Variants in CTBP1 observed in about 807,000 individuals in gnomAD.
The protein encoded by CTBP1 is C-terminal binding protein 1, also known as C-terminal-binding protein 1.
Under a neutral mutation model 42.1 loss-of-function variants are expected in CTBP1, and 11 were observed. The observed-to-expected ratio is 0.26, with a 90% CI of 0.16 to 0.43. The LOEUF (loss-of-function observed/expected upper bound fraction) is 0.43, where lower values mean the gene tolerates loss of function less well. Among genes scored for constraint, CTBP1 ranks in the 20% least tolerant of loss-of-function variants. The pLI is 1.00. For synonymous variants in CTBP1, 324 were observed against 277.1 expected (o/e 1.17, Z -1.68); for missense variants, 399 against 624.3 (o/e 0.64, Z 3.85).
rs1315064850 is a variant in CTBP1, at chr4:1,245,318, CCT to C, written c.-189+3596_-189+3597del. 2.0e-5 allele frequency: 20 copies of C among 985,346 alleles called. No homozygotes were observed. The East Asian group carries it at 4.5e-4, about 22-fold the overall frequency. The allele number at this position is 985,346 out of a possible 1,614,324, so 61.0% of individuals were successfully genotyped here. A position where few individuals can be genotyped will look rare whatever the true frequency, so the allele number is the denominator to read the frequency against. On this transcript the variant is annotated intron_variant, in intron 1 of 9. Transcript: ENST00000382952. ...GGACATCCGTGGAGCCGCACGTTTC[CCT>C]GTTTGTTCAGCGAGCACATGCACAC...
intron 1 of CTBP1, chr4:1,245,571 G>A (rs550630787): frequency 8.2e-6 from 8 of 981,282 alleles, no homozygotes; most frequent in East Asian, 2.3e-4. Flanking sequence ...AGGAGGGCAC[G>A]GTGACACGGG....
intron 1 of CTBP1, chr4:1,248,682 A>T: frequency 3.1e-6 from 3 of 980,720 alleles, no homozygotes; most frequent in Non-Finnish European, 3.6e-6. Context: ...GCGGGCGGGG[A>T]GAGCAGACTG....
In CTBP1 at chr4:1,235,857, G is replaced by A. The variant is rs1427057502; in HGVS notation, c.162+2326C>T. ...CGGCTGACGCTGTCTTCCTCTAAAG[G>A]GGCCGTCTTACTTCTTTTGCCAGGC... is the stretch of plus-strand genomic sequence containing the variant. On this transcript the variant is annotated intron_variant, in intron 3 of 9. Transcript: ENST00000382952. This position sits in a 1 kb window ranked among gnomAD's most constrained non-coding sequence, Gnocchi z 4.2. 1 of 152,192 alleles carries A rather than the reference G, an allele frequency of 6.6e-6. No homozygotes were observed. Among genetic ancestry groups the A allele is most frequent in the Non-Finnish European group, 1.5e-5 (1 of 68,042 alleles). The allele number at this position is 152,192 out of a possible 1,614,324, so 9.4% of individuals were successfully genotyped here.
chr4:1,221,766 T>C (rs944088430), intron 5 of CTBP1: 2 of 418,074 alleles, frequency 4.8e-6, no homozygotes, highest in East Asian at 1.8e-4. Flanking sequence ...GAGCTGTCTG[T>C]GTGCAGGAGC....
chr4:1,249,705 G>T (rs1193235089), upstream of CTBP1: 2 of 405,946 alleles, frequency 4.9e-6, no homozygotes, highest in African/African-American at 2.2e-5. Context: ...CTGCCCCAGT[G>T]CGTCCCCAGG....
chr4:1,232,758 C>T (rs879933064), intron 3 of CTBP1: 2 of 152,218 alleles, frequency 1.3e-5, no homozygotes, highest in Non-Finnish European at 2.9e-5. Flanking sequence ...CCTCTAACTG[C>T]TCTTCATTCA....
chr4:1,239,408 G>A (rs1337964158), intron 2 of CTBP1, among the ~76,000 whole-genome samples: 1 of 152,182 alleles, frequency 6.6e-6, no homozygotes, highest in Non-Finnish European at 1.5e-5. Context: ...CGTTCGGCCA[G>A]CAGGAGGGGA....
At chr4:1,241,791 G>A in intron 1 of CTBP1, 1 of 1,183,426 alleles carries the variant, frequency 8.5e-7, no homozygotes, top group Non-Finnish European at 1.1e-6. Context: ...AGTCCCCCAG[G>A]GCTGCGGCCA....
Position 1,225,347 on chromosome 4 carries a change from G to T in CTBP1, c.514+13C>A, listed in dbSNP as rs1730215826. 6.5e-7 allele frequency: 1 copy of T among 1,539,988 alleles called. No individual in the cohort carries two copies. The highest frequency in any genetic ancestry group is 8.7e-7 in the Non-Finnish European group (1 of 1,147,592). On this transcript the variant is annotated intron_variant, in intron 5 of 9. Coordinates refer to ENST00000382952, the MANE Select transcript of CTBP1 (RefSeq NM_001012614.2). ...CAGGGAGGGACACAGGCGTGGAGCT[G>T]CGGCCGACGCACCAAGTCCGATGAT...
intron 1 of CTBP1, chr4:1,244,126 G>A: frequency 2.0e-6 from 2 of 985,322 alleles, no homozygotes; most frequent in Non-Finnish European, 2.4e-6. Context: ...GATGACCCCA[G>A]AGCCTCCTGG....
chr4:1,248,635 GAGGCCCAC>G (rs1733018703), intron 1 of CTBP1: 11 of 976,336 alleles, frequency 1.1e-5, no homozygotes, highest in African/African-American at 1.8e-5. Context: ...GGGCAGCCCA[GAGGCCCAC>G]AGGCCCTTTT....
rs972576408 is a variant in CTBP1 at position 1,211,562 on chromosome 4, A to T, written c.*678T>A. Reference sequence around the variant, plus strand: ...CACATCAGCAGGACGGCACTGGTGCAGGCGGGGACGCTGCCACCCTCCACG... The same window carrying T: ...CACATCAGCAGGACGGCACTGGTGCTGGCGGGGACGCTGCCACCCTCCACG... On this transcript the variant is annotated 3_prime_UTR_variant, in exon 10 of 10. Transcript: ENST00000382952. 6.6e-6 allele frequency: 1 copy of T among 152,492 alleles called. No individual in the cohort carries two copies. Among genetic ancestry groups the T allele is most frequent in the African/African-American group, 2.4e-5 (1 of 41,472 alleles). The allele number at this position is 152,492 out of a possible 1,614,324, so 9.4% of individuals were successfully genotyped here.
Position 1,239,546 on chromosome 4 carries a change from C to T in CTBP1, c.8-1209G>A, listed in dbSNP as rs903425720. ...CCGCCTGCAGGTGAGCAGAGGCCAC[C>T]GAGCTGCCAGTATCCAGGAAGCAGG... On this transcript the variant is annotated intron_variant, in intron 2 of 9. Transcript: ENST00000382952. 5.3e-5 allele frequency among the ~76,000 whole-genome samples: 8 copies of T among 152,228 alleles called. No homozygotes were observed. The East Asian group carries it at 5.8e-4, about 11-fold the overall frequency.
In CTBP1 at chr4:1,248,998, CT is replaced by C; in HGVS notation, c.-272del. 1 of 952,324 alleles carries C rather than the reference CT, an allele frequency of 1.1e-6. No homozygotes were observed. The highest frequency in any genetic ancestry group is 1.2e-6 in the Non-Finnish European group (1 of 802,824). The allele number at this position is 952,324 out of a possible 1,614,324, so 59.0% of individuals were successfully genotyped here. The stretch of plus-strand genomic sequence containing the variant: ...CGCGGGCCCCGACCACTCCGGCGCG[CT>C]GCGCCGCCGCGAGCCCGGCGCGTGG... On this transcript the variant is annotated 5_prime_UTR_variant, in exon 1 of 10. Transcript: ENST00000382952.
intron 1 of CTBP1, among the ~76,000 whole-genome samples, chr4:1,247,689 C>T (rs1219717875): frequency 1.3e-5 from 2 of 151,766 alleles, no homozygotes. Context: ...GGTGCGGGCC[C>T]AGCCGCCAGC....
At chr4:1,239,953 C>T (rs1183823348) in intron 2 of CTBP1, among the ~76,000 whole-genome samples, 1 of 152,282 alleles carries the variant, frequency 6.6e-6, no homozygotes, top group East Asian at 1.9e-4. Flanking sequence ...ACGTGGCCTC[C>T]CTCCCCGCTG....
At position 1,214,439 on chromosome 4, in the gene CTBP1, C is replaced by T. The variant is rs1315137495; in HGVS notation, c.764G>A (p.Arg255Gln). The change falls in exon 7 of 10, where the codon CGG (arginine) becomes CAG (glutamine). Residue 255 changes from arginine (R) to glutamine (Q), a missense_variant. Physicochemically the swap from Arg to Gln is conservative, Grantham distance 43 (BLOSUM62 1). Coordinates refer to ENST00000382952, the MANE Select transcript of CTBP1 (RefSeq NM_001012614.2). Reference protein sequence around the residue: ...RQGAFLVNTARGGLVDEKALA... With the variant: ...RQGAFLVNTAQGGLVDEKALA... ...CGCCTTCTCATCCACCAGGCCACCC[C>T]GGGCTGTGTTCACCAGGAAGGCCCC... is the stretch of plus-strand genomic sequence containing the variant. The T allele has an allele frequency of 3.8e-6, 6 of 1,588,612 alleles. No homozygotes were observed. Among genetic ancestry groups the T allele is most frequent in the East Asian group, 2.3e-5 (1 of 42,758 alleles).
rs955726735 is a variant in CTBP1 at position 1,211,998 on chromosome 4, T to C, written c.*242A>G. On this transcript the variant is annotated 3_prime_UTR_variant, in exon 10 of 10. Transcript: ENST00000382952. ...AACTGTACACAGACAAGAACGTTCATGGGAGAATAACTACTGACTTCTTCT... is the reference window on the plus strand; with the variant it reads ...AACTGTACACAGACAAGAACGTTCACGGGAGAATAACTACTGACTTCTTCT... 1.1e-5 allele frequency: 4 copies of C among 373,638 alleles called. No individual in the cohort carries two copies. The highest frequency in any genetic ancestry group is 2.1e-5 in the African/African-American group (1 of 47,996). The allele number at this position is 373,638 out of a possible 1,614,324, so 23.1% of individuals were successfully genotyped here.
At chr4:1,232,691 T>C (rs144150451) in intron 3 of CTBP1, among the ~76,000 whole-genome samples, 2,202 of 152,336 alleles carry the variant, frequency 0.014, 24 homozygotes, top group Non-Finnish European at 0.024. Context: ...ACAGAAAACA[T>C]TGTATGTTCT....
Sources: gnomAD v4.1 joint callset for allele counts (sites outside exome capture counted in the v4.1 genomes callset) on GRCh38, gnomAD v4.1.1 for gene constraint, Gnocchi (gnomAD v3.1) non-coding constraint, MANE v1.5 for transcripts, NCBI Gene and HGNC (gene_info 2026-07-23, HGNC 2026-07-21) for gene names.